The following ZNF99 variants were observed in gnomAD, a reference collection of about 807,000 sequenced individuals.
The protein encoded by ZNF99 is zinc finger protein 99.
Under a neutral mutation model 12.8 loss-of-function variants are expected in ZNF99, and 8 were observed. The observed-to-expected ratio is 0.62, with a 90% CI of 0.37 to 1.13. ZNF99 has a LOEUF of 1.13. ZNF99 is among the 50% of genes most tolerant of loss of function. ZNF99 has a pLI of 0.02. For missense variants in ZNF99, 1,007 were observed against 1,006.2 expected (o/e 1.00, Z -0.01); for synonymous variants, 318 against 319.0 (o/e 1.00, Z 0.03).
At chr19:22,761,284 C>T (rs560323817) in intron 3 of ZNF99, among the ~76,000 whole-genome samples, 160 of 152,194 alleles carry the variant, frequency 1.1e-3, no homozygotes, top group African/African-American at 3.8e-3. Flanking sequence ...GCTTGCTATT[C>T]ACCTAAGCCA....
chr19:22,759,321 A>C lies in ZNF99; in HGVS notation c.588T>G (p.Thr196=). The part of the protein sequence containing the change: ...SHLIQHKRIH[T]RENIYKCEER... ...CTTCACATTTGTAGATATTCTCTCT[A>C]GTATGAATTCTCTTATGTTGAATTA... The change falls in exon 4 of 4, where the codon ACT becomes ACG. Residue 196 remains threonine (T), a synonymous_variant. Coordinates refer to ENST00000596209, the MANE Select transcript of ZNF99 (RefSeq NM_001080409.3). 6.5e-7 allele frequency: 1 copy of C among 1,549,310 alleles called. No homozygotes were observed. The highest frequency in any genetic ancestry group is 8.7e-7 in the Non-Finnish European group (1 of 1,147,960).
chr19:22,769,006 G>T (rs1013041534), intron 2 of ZNF99, among the ~76,000 whole-genome samples, 192 bp downstream of exon 2: 4 of 148,784 alleles, frequency 2.7e-5, no homozygotes, highest in Non-Finnish European at 5.9e-5. Flanking sequence ...TCCAGCCTGG[G>T]CAACAAGAGC....
intron 1 of ZNF99, among the ~76,000 whole-genome samples, chr19:22,773,385 ACAGT>A (rs1255211414): frequency 1.3e-5 from 2 of 151,940 alleles, no homozygotes; most frequent in Non-Finnish European, 2.9e-5. Flanking sequence ...GACATGCATC[ACAGT>A]CAGTCTGCTT....
Position 22,754,622 on chromosome 19 carries a change from G to C in ZNF99, c.*2692C>G. On this transcript the variant is annotated 3_prime_UTR_variant, in exon 4 of 4. Transcript: ENST00000596209. Reference sequence around the variant, plus strand: ...TATCTTAATGTGTGGTAAGATGTGAGAAATGGTTACAGTGTTTGCCACATT... The same window carrying C: ...TATCTTAATGTGTGGTAAGATGTGACAAATGGTTACAGTGTTTGCCACATT... 2.8e-6 allele frequency: 1 copy of C among 362,728 alleles called. No homozygotes were observed. The highest frequency in any genetic ancestry group is 5.4e-6 in the Non-Finnish European group (1 of 183,798). 22.5% of individuals were successfully genotyped at this position (362,728 alleles called of 1,614,324 possible). A position where few individuals can be genotyped will look rare whatever the true frequency, so the allele number is the denominator to read the frequency against.
Position 22,756,886 on chromosome 19 carries a change from CA to C in ZNF99, c.*427del, listed in dbSNP as rs1222279146. 1.1e-5 allele frequency: 17 copies of C among 1,610,640 alleles called. No individual in the cohort carries two copies. In the African/African-American group the frequency reaches 2.0e-4, roughly 19 times the overall value. Reference sequence around the variant, plus strand: ...TCTTCACATTTGTAGGGTTTCTCTACAGTATGAATTACCTTATGTTCCATAA... The same window carrying C: ...TCTTCACATTTGTAGGGTTTCTCTACGTATGAATTACCTTATGTTCCATAA... On this transcript the variant is annotated 3_prime_UTR_variant, in exon 4 of 4. Transcript: ENST00000596209.
chr19:22,780,559 C>G (rs1174527807), intron 1 of ZNF99, among the ~76,000 whole-genome samples: 1 of 151,960 alleles, frequency 6.6e-6, no homozygotes, highest in Non-Finnish European at 1.5e-5. Flanking sequence ...GGCGTGGTGG[C>G]ACATATCTGT....
Position 22,755,185 on chromosome 19 carries a change from TTGCCACTTTCTTCACA to T in ZNF99, c.*2113_*2128del. On this transcript the variant is annotated 3_prime_UTR_variant, in exon 4 of 4. Transcript: ENST00000596209. ...AAGAGTTGAGGACTGGCTAAAAGCA[TTGCCACTTTCTTCACA>T]TTTGTAGGGTTTTTCTCCAGTACGA... The T allele has an allele frequency of 3.6e-6, 1 of 276,258 alleles. No individual in the cohort carries two copies. Among genetic ancestry groups the T allele is most frequent in the South Asian group, 4.5e-5 (1 of 22,080 alleles). 17.1% of individuals were successfully genotyped at this position (276,258 alleles called of 1,614,324 possible). A position where few individuals can be genotyped will look rare whatever the true frequency, so the allele number is the denominator to read the frequency against.
chr19:22,756,935 T>C lies in ZNF99; in HGVS notation c.*379A>G. ...TAAGTTTTGAGACCACTTAAAAGCT[T>C]TACCACATTCTTCACATTTGTATGG... is the stretch of plus-strand genomic sequence containing the variant. On this transcript the variant is annotated 3_prime_UTR_variant, in exon 4 of 4. Coordinates refer to ENST00000596209, the MANE Select transcript of ZNF99 (RefSeq NM_001080409.3). The C allele has an allele frequency of 6.2e-7, 1 of 1,612,070 alleles. No individual in the cohort carries two copies. Among genetic ancestry groups the C allele is most frequent in the Non-Finnish European group, 8.5e-7 (1 of 1,179,058 alleles).
chr19:22,765,283 T>C (rs1973191788), intron 3 of ZNF99, among the ~76,000 whole-genome samples: 1 of 152,068 alleles, frequency 6.6e-6, no homozygotes, highest in Non-Finnish European at 1.5e-5. Flanking sequence ...AGTTAAGCTA[T>C]GAGGATGCAA....
intron 1 of ZNF99, chr19:22,771,287 G>T: frequency 1.0e-5 from 1 of 96,142 alleles, no homozygotes; most frequent in African/African-American, 4.3e-5. Context: ...GCAGAGTCTT[G>T]CTCTGTCGCC....
In ZNF99 at chr19:22,756,574, G is replaced by C. The variant is rs569253176; in HGVS notation, c.*740C>G. 1.3e-6 allele frequency: 2 copies of C among 1,593,578 alleles called. No individual in the cohort carries two copies. Among genetic ancestry groups the C allele is most frequent in the South Asian group, 1.1e-5 (1 of 90,806 alleles). On this transcript the variant is annotated 3_prime_UTR_variant, in exon 4 of 4. Transcript: ENST00000596209. ...TCCAGTATGAATTGATTTATGTTTAGTAAGGTGTGAGGATTGCTTAAAAGC... is the reference window on the plus strand; with the variant it reads ...TCCAGTATGAATTGATTTATGTTTACTAAGGTGTGAGGATTGCTTAAAAGC...
Position 22,754,551 on chromosome 19 carries a change from C to G in ZNF99, c.*2763G>C, listed in dbSNP as rs896328245. On this transcript the variant is annotated 3_prime_UTR_variant, in exon 4 of 4. Transcript: ENST00000596209. ...GTATGAGTTGAAGACCAGTTAAAGA[C>G]TTTGTTACATTCTTCACATTTGTCG... is the stretch of plus-strand genomic sequence containing the variant. The G allele has an allele frequency of 2.3e-6, 1 of 426,774 alleles. No individual in the cohort carries two copies. The highest frequency in any genetic ancestry group is 7.1e-5 in the East Asian group (1 of 14,092). The allele number at this position is 426,774 out of a possible 1,614,324, so 26.4% of individuals were successfully genotyped here. A position where few individuals can be genotyped will look rare whatever the true frequency, so the allele number is the denominator to read the frequency against.
chr19:22,772,869 C>T (rs918132308), intron 1 of ZNF99, among the ~76,000 whole-genome samples: 4 of 152,102 alleles, frequency 2.6e-5, no homozygotes, highest in African/African-American at 9.7e-5. Flanking sequence ...CAGGTGTTCC[C>T]TGCACATCTG....
rs780047521 is a variant in ZNF99 at position 22,757,991 on chromosome 19, C to G, written c.1918G>C (p.Glu640Gln). Residue 640 changes from glutamate to glutamine, a missense_variant, in exon 4 of 4, where the codon GAG becomes CAG. By Grantham distance (29) the Glu-to-Gln change is conservative. Coordinates refer to ENST00000596209, the MANE Select transcript of ZNF99 (RefSeq NM_001080409.3). ...GGTTTCTCTCCAGTATGAATTATCT[C>G]ATGTTTTCTAAGGGTTGAGGACTGG... ...FSQSSTLRKH[E>Q]IIHTGEKPYK... The G allele has an allele frequency of 3.1e-6, 5 of 1,606,592 alleles. No homozygotes were observed. Among genetic ancestry groups the G allele is most frequent in the South Asian group, 2.2e-5 (2 of 90,638 alleles).
In ZNF99 at chr19:22,754,016, G is replaced by C. The variant is rs1389529997; in HGVS notation, c.*3298C>G. 1.3e-5 allele frequency: 6 copies of C among 455,884 alleles called. No homozygotes were observed. Among genetic ancestry groups the C allele is most frequent in the East Asian group, 6.9e-5 (1 of 14,398 alleles). 28.2% of individuals were successfully genotyped at this position (455,884 alleles called of 1,614,324 possible). ...CTCAAGAGCACTGTCATGTCTTTTA[G>C]GTTTGTAGAGCTTCTCTCCAGTATG... On this transcript the variant is annotated 3_prime_UTR_variant, in exon 4 of 4. Transcript: ENST00000596209.
Position 22,758,409 on chromosome 19 carries a change from C to G in ZNF99, c.1500G>C (p.Lys500Asn). The G allele has an allele frequency of 6.2e-7, 1 of 1,604,426 alleles. No homozygotes were observed. The highest frequency in any genetic ancestry group is 8.5e-7 in the Non-Finnish European group (1 of 1,173,788). ...FKWSSKLTVH[K>N]VIHMEEKPCK... ...AAGGTTTCTCTTCCATATGAATTACCTTATGTACAGTAAGTTTTGAGGACC... is the reference window on the plus strand; with the variant it reads ...AAGGTTTCTCTTCCATATGAATTACGTTATGTACAGTAAGTTTTGAGGACC... The change falls in exon 4 of 4, where the codon AAG becomes AAC. Residue 500 changes from lysine to asparagine, a missense_variant. Coordinates refer to ENST00000596209, the MANE Select transcript of ZNF99 (RefSeq NM_001080409.3).
chr19:22,769,227 A>G lies in ZNF99; in HGVS notation c.101T>C (p.Leu34Ser). 1 of 1,609,084 alleles carries G rather than the reference A, an allele frequency of 6.2e-7. No individual in the cohort carries two copies. Among genetic ancestry groups the G allele is most frequent in the Non-Finnish European group, 8.5e-7 (1 of 1,177,132 alleles). ...AQQNLYRNVM[L>S]ENYRNLVFLG... ...GAAGACCAGGTTTCTGTAGTTCTCT[A>G]ACATAACATTCCTATATAAATTCTG... The change falls in exon 2 of 4, where the codon TTA becomes TCA. Residue 34 changes from leucine (L) to serine (S), a missense_variant. Physicochemically the swap from Leu to Ser is moderately radical, Grantham distance 145 (BLOSUM62 -2). Coordinates refer to ENST00000596209, the MANE Select transcript of ZNF99 (RefSeq NM_001080409.3).
chr19:22,783,231 G>T (rs766613682), intron 1 of ZNF99, among the ~76,000 whole-genome samples: 16 of 152,128 alleles, frequency 1.1e-4, no homozygotes, highest in Non-Finnish European at 1.9e-4. Flanking sequence ...GTTGAGCCGA[G>T]ATCGCGCCAC....
chr19:22,761,534 A>G (rs1380380116), intron 3 of ZNF99, among the ~76,000 whole-genome samples: 1 of 152,186 alleles, frequency 6.6e-6, no homozygotes, highest in Middle Eastern at 3.2e-3. Context: ...CACCAACACA[A>G]TAATAATGAG....
Sources: gnomAD v4.1 joint callset for allele counts (sites outside exome capture counted in the v4.1 genomes callset) on GRCh38, gnomAD v4.1.1 for gene constraint, MANE v1.5 for transcripts, NCBI Gene and HGNC (gene_info 2026-07-23, HGNC 2026-07-21) for gene names.